The following NKAIN2 variants were observed in gnomAD, a reference collection of about 807,000 sequenced individuals.
NKAIN2 encodes the protein sodium/potassium transporting ATPase interacting 2.
Under a neutral mutation model 32.6 loss-of-function variants are expected in NKAIN2, and 14 were observed. The ratio of observed to expected loss-of-function variants is 0.43; its 90% CI spans 0.28 to 0.67. NKAIN2 has a LOEUF of 0.67. NKAIN2 is among the 30% of genes least tolerant of loss of function. The pLI is 0.17. For synonymous variants in NKAIN2, 80 were observed against 87.2 expected, an observed-to-expected ratio of 0.92 and a Z score of 0.46; for missense variants, 198 against 258.3, an observed-to-expected ratio of 0.77 and a Z score of 1.60.
At chr6:124,339,360 A>G (rs1420457642) in intron 2 of NKAIN2, among the ~76,000 whole-genome samples, 1 of 152,018 alleles carries the variant, frequency 6.6e-6, no homozygotes, top group African/African-American at 2.4e-5. Flanking sequence ...ACAAACAACA[A>G]CAACAACAAA....
At chr6:123,826,278 A>G (rs146494186) in intron 1 of NKAIN2, among the ~76,000 whole-genome samples, 1 of 152,174 alleles carries the variant, frequency 6.6e-6, no homozygotes, top group African/African-American at 2.4e-5. Context: ...CCAAAACGCC[A>G]TGGGTTTTTT....
intron 3 of NKAIN2, among the ~76,000 whole-genome samples, chr6:124,630,260 A>G (rs1783512998): frequency 6.6e-6 from 1 of 152,178 alleles, no homozygotes; most frequent in Non-Finnish European, 1.5e-5. Flanking sequence ...AGATCTGGGC[A>G]ATAATACTAA....
chr6:124,436,192 G>T (rs1176245447), intron 3 of NKAIN2, among the ~76,000 whole-genome samples: 1 of 152,120 alleles, frequency 6.6e-6, no homozygotes, highest in Non-Finnish European at 1.5e-5. Flanking sequence ...TGCATTTGTA[G>T]TCTGTATACT....
At chr6:124,478,005 T>C (rs1777299550) in intron 3 of NKAIN2, among the ~76,000 whole-genome samples, 1 of 151,912 alleles carries the variant, frequency 6.6e-6, no homozygotes, top group African/African-American at 2.4e-5. Flanking sequence ...TTGGGGATTC[T>C]GTCCTGCCAC....
chr6:124,168,437 C>A (rs567264939), intron 1 of NKAIN2, among the ~76,000 whole-genome samples: 1 of 152,138 alleles, frequency 6.6e-6, no homozygotes, highest in Non-Finnish European at 1.5e-5. Flanking sequence ...AAGAGACATT[C>A]TTGTCTATAC....
chr6:124,397,053 C>G (rs1400844220), intron 3 of NKAIN2, among the ~76,000 whole-genome samples: 1 of 152,006 alleles, frequency 6.6e-6, no homozygotes, highest in Non-Finnish European at 1.5e-5. Flanking sequence ...GTGGTTGATA[C>G]TTCCATAGAT....
intron 1 of NKAIN2, among the ~76,000 whole-genome samples, chr6:123,866,415 T>C (rs1346292678): frequency 6.6e-6 from 1 of 152,186 alleles, no homozygotes; most frequent in Non-Finnish European, 1.5e-5. Context: ...GGATTTTCAT[T>C]AGCAAACATA....
At chr6:124,419,805 G>A (rs979347135) in intron 3 of NKAIN2, among the ~76,000 whole-genome samples, 8 of 151,998 alleles carry the variant, frequency 5.3e-5, no homozygotes, top group Non-Finnish European at 1.2e-4. Flanking sequence ...CTCTTACTAA[G>A]GAGAGGAACA....
At chr6:124,751,189 C>T (rs1440976832) in intron 4 of NKAIN2, among the ~76,000 whole-genome samples, 1 of 151,970 alleles carries the variant, frequency 6.6e-6, no homozygotes, top group African/African-American at 2.4e-5. Context: ...CCTATCCTCC[C>T]ATAGAAACTG....
intron 4 of NKAIN2, among the ~76,000 whole-genome samples, chr6:124,787,035 T>A (rs1431803387): frequency 6.6e-6 from 1 of 152,076 alleles, no homozygotes; most frequent in Admixed American, 6.6e-5. Flanking sequence ...CATCTCTCCG[T>A]ACCCCTCTTT....
chr6:123,927,643 C>A (rs1490350), intron 1 of NKAIN2, among the ~76,000 whole-genome samples: 48,201 of 152,030 alleles, frequency 0.32, 8,507 homozygotes, highest in East Asian at 0.64. Context: ...CTCTAGTGAC[C>A]GTCCCAAACA....
At chr6:123,808,585 A>G (rs1773320828) in intron 1 of NKAIN2, among the ~76,000 whole-genome samples, 1 of 152,172 alleles carries the variant, frequency 6.6e-6, no homozygotes, top group East Asian at 1.9e-4. Context: ...CTTCGTTCAC[A>G]AAGCAGGTAG....
At chr6:124,351,509 A>C (rs796723285) in intron 2 of NKAIN2, among the ~76,000 whole-genome samples, 63 of 50,062 alleles carry the variant, frequency 1.3e-3, no homozygotes, top group African/African-American at 4.6e-3. Context: ...CAAAAAAACC[A>C]AAAAAAAAAA....
At chr6:124,185,098 T>C (rs1011153053) in intron 1 of NKAIN2, among the ~76,000 whole-genome samples, 4 of 152,178 alleles carry the variant, frequency 2.6e-5, no homozygotes, top group Admixed American at 6.5e-5. Flanking sequence ...AACATATCTA[T>C]GTATGTACTA....
chr6:124,529,876 T>C (rs1301458431), intron 3 of NKAIN2, among the ~76,000 whole-genome samples: 2 of 152,234 alleles, frequency 1.3e-5, no homozygotes, highest in Admixed American at 1.3e-4. Flanking sequence ...TGAATGTTTG[T>C]ATCCCTCCAA....
At chr6:124,625,810 T>C (rs1207290124) in intron 3 of NKAIN2, among the ~76,000 whole-genome samples, 1 of 151,992 alleles carries the variant, frequency 6.6e-6, no homozygotes, top group Non-Finnish European at 1.5e-5. Context: ...TGGGCTAAGG[T>C]CACAAAGTTA....
chr6:124,638,719 C>T (rs1412959120), intron 3 of NKAIN2, among the ~76,000 whole-genome samples: 1 of 151,534 alleles, frequency 6.6e-6, no homozygotes, highest in East Asian at 1.9e-4. Context: ...CGTGGTGAAA[C>T]CCCATCTCTA....
intron 3 of NKAIN2, among the ~76,000 whole-genome samples, chr6:124,478,845 G>A (rs1348171186): frequency 6.6e-6 from 1 of 152,118 alleles, no homozygotes; most frequent in Non-Finnish European, 1.5e-5. Context: ...AAATAGTACA[G>A]TATGGAAGTG....
chr6:123,970,836 C>T (rs577447193), intron 1 of NKAIN2, among the ~76,000 whole-genome samples: 3 of 151,804 alleles, frequency 2.0e-5, no homozygotes, highest in African/African-American at 7.3e-5. Flanking sequence ...GAGCTGAGAT[C>T]GCGCCACTGC....
Sources: gnomAD v4.1 joint callset for allele counts (sites outside exome capture counted in the v4.1 genomes callset) on GRCh38, gnomAD v4.1.1 for gene constraint, MANE v1.5 for transcripts, NCBI Gene and HGNC (gene_info 2026-07-23, HGNC 2026-07-21) for gene names.